AHCY: variants seen among roughly 807,000 people sequenced by gnomAD.
AHCY encodes adenosylhomocysteinase.
In AHCY, 24 loss-of-function variants were observed where a neutral mutation model predicts 45.4. That is an observed-to-expected ratio of 0.53 (90% CI 0.38 to 0.74). The LOEUF (loss-of-function observed/expected upper bound fraction) is 0.74. AHCY is among the 30% of genes least tolerant of loss of function. The probability of loss-of-function intolerance (pLI) is 0.00; values close to 1 mark genes in which losing one functional copy is unlikely to be tolerated. For missense variants in AHCY, 449 were observed against 594.1 expected (o/e 0.76, Z 2.54); for synonymous variants, 245 against 235.1 (o/e 1.04, Z -0.39).
chr20:34,253,800 A>C, the AHCY span, among the ~76,000 whole-genome samples: 1 of 152,140 alleles, frequency 6.6e-6, no homozygotes, highest in East Asian at 1.9e-4. Context: ...AGGTGGACCT[A>C]GGGTCAGGCA....
At chr20:34,297,477 T>C (rs1055299986) in intron 1 of AHCY, among the ~76,000 whole-genome samples, 15 of 151,940 alleles carry the variant, frequency 9.9e-5, no homozygotes, top group African/African-American at 3.4e-4. Flanking sequence ...TTTGTATTTT[T>C]AGAGGAGACG....
At chr20:34,255,859 G>A in the AHCY span, among the ~76,000 whole-genome samples, 1 of 152,150 alleles carries the variant, frequency 6.6e-6, no homozygotes, top group Admixed American at 6.5e-5. Flanking sequence ...GCTCGGGAAG[G>A]CACCGGTTAC....
chr20:34,236,662 G>A, the AHCY span, among the ~76,000 whole-genome samples: 460 of 152,268 alleles, frequency 3.0e-3, 4 homozygotes, highest in African/African-American at 0.011. Context: ...ACCAGCCTAG[G>A]CAAGATGGCG....
chr20:34,296,392 C>T (rs939774382), intron 1 of AHCY, among the ~76,000 whole-genome samples: 28 of 152,118 alleles, frequency 1.8e-4, no homozygotes, highest in African/African-American at 6.5e-4. Flanking sequence ...TAATCTATAT[C>T]CTCTGGCTTT....
the AHCY span, among the ~76,000 whole-genome samples, chr20:34,267,540 A>T: frequency 3.6e-5 from 5 of 138,056 alleles, no homozygotes; most frequent in East Asian, 2.1e-4. Flanking sequence ...TTATTTATTT[A>T]TTTTTTTTGA....
the AHCY span, among the ~76,000 whole-genome samples, chr20:34,252,594 C>A: frequency 1.3e-5 from 2 of 152,172 alleles, no homozygotes; most frequent in African/African-American, 4.8e-5. Flanking sequence ...TACACTGAGA[C>A]ATTCCATTCC....
chr20:34,267,685 C>T, the AHCY span, among the ~76,000 whole-genome samples: 1 of 152,026 alleles, frequency 6.6e-6, no homozygotes, highest in East Asian at 1.9e-4. Context: ...AGATGTGCCA[C>T]CATGCTGGGC....
the AHCY span, among the ~76,000 whole-genome samples, chr20:34,251,256 T>C: frequency 2.6e-5 from 4 of 151,806 alleles, no homozygotes; most frequent in Non-Finnish European, 4.4e-5. Context: ...GTGACCCTTA[T>C]AAATCTTTCT....
At chr20:34,235,163 C>G in the AHCY span, 1 of 152,344 alleles carries the variant, frequency 6.6e-6, no homozygotes, top group Non-Finnish European at 1.5e-5. Flanking sequence ...CTGCTTCAGC[C>G]GGGCGCAGTG....
intron 1 of AHCY, chr20:34,301,663 A>C (rs2036776290): frequency 5.5e-6 from 2 of 364,564 alleles, no homozygotes; most frequent in Non-Finnish European, 7.6e-6. Flanking sequence ...ATCTCCACCC[A>C]CACAACCCAA....
intron 9 of AHCY, among the ~76,000 whole-genome samples, chr20:34,285,190 C>T (rs867120147): frequency 1.3e-5 from 2 of 152,262 alleles, no homozygotes; most frequent in East Asian, 1.9e-4. Context: ...GGGTGTGTCC[C>T]GCTCCAAGGC....
At chr20:34,255,967 A>AC in the AHCY span, among the ~76,000 whole-genome samples, 3 of 152,106 alleles carry the variant, frequency 2.0e-5, no homozygotes, top group African/African-American at 7.2e-5. Flanking sequence ...AGTCAGGCCC[A>AC]CCCGCAGCCT....
At chr20:34,233,673 T>G in the AHCY span, among the ~76,000 whole-genome samples, 1 of 152,238 alleles carries the variant, frequency 6.6e-6, no homozygotes, top group Non-Finnish European at 1.5e-5. Flanking sequence ...TACCAAATAC[T>G]TTGACTATAA....
At chr20:34,269,477 G>A in the AHCY span, 1 of 392,168 alleles carries the variant, frequency 2.5e-6, no homozygotes. Flanking sequence ...AGTCACCGCT[G>A]CTGCCGACCT....
chr20:34,257,454 T>C, the AHCY span, among the ~76,000 whole-genome samples: 1 of 152,186 alleles, frequency 6.6e-6, no homozygotes, highest in African/African-American at 2.4e-5. Flanking sequence ...ATTTGAAAAA[T>C]GGTCTTTTTA....
intron 9 of AHCY, among the ~76,000 whole-genome samples, chr20:34,284,612 G>A (rs1189449846): frequency 1.3e-5 from 2 of 152,114 alleles, no homozygotes; most frequent in Non-Finnish European, 2.9e-5. Context: ...CTTGAAATCA[G>A]GAGTTCGAGA....
the AHCY span, among the ~76,000 whole-genome samples, chr20:34,251,417 C>G: frequency 1.3e-5 from 2 of 152,098 alleles, no homozygotes; most frequent in East Asian, 3.9e-4. Flanking sequence ...ACTACAGGTG[C>G]CCGCCACCAC....
At chr20:34,293,987 A>G in intron 3 of AHCY, 94 bp downstream of exon 3, 1 of 1,289,732 alleles carries the variant, frequency 7.8e-7, no homozygotes, top group East Asian at 2.4e-5. Flanking sequence ...TCCCTTTCTG[A>G]TATGTAAGGA....
the AHCY span, among the ~76,000 whole-genome samples, chr20:34,248,188 G>C: frequency 6.6e-6 from 1 of 151,514 alleles, no homozygotes; most frequent in Non-Finnish European, 1.5e-5. Flanking sequence ...CCTGGTGACA[G>C]AGCAAGACTC....
Sources: gnomAD v4.1 joint callset for allele counts (sites outside exome capture counted in the v4.1 genomes callset) on GRCh38, gnomAD v4.1.1 for gene constraint, MANE v1.5 for transcripts, NCBI Gene and HGNC (gene_info 2026-07-23, HGNC 2026-07-21) for gene names.